Variants in ANKRD28 observed in about 807,000 individuals in gnomAD.
ANKRD28 encodes the protein serine/threonine-protein phosphatase 6 regulatory ankyrin repeat subunit A.
Under a neutral mutation model 126.5 loss-of-function variants are expected in ANKRD28, and 44 were observed. That is an observed-to-expected ratio of 0.35 (90% CI 0.27 to 0.45). The LOEUF (loss-of-function observed/expected upper bound fraction) is 0.45. Ranked by LOEUF, ANKRD28 falls within the 20% of genes least tolerant of loss-of-function variation. The pLI, the probability that ANKRD28 is intolerant of heterozygous loss-of-function variation, is 1.00. For missense variants in ANKRD28, 1,110 were observed against 1,316.6 expected, an observed-to-expected ratio of 0.84 and a Z score of 2.43; for synonymous variants, 442 against 468.5, an observed-to-expected ratio of 0.94 and a Z score of 0.73.
rs756243817 is a variant in ANKRD28 at position 15,677,070 on chromosome 3, A to G, written c.2791-14T>C. The G allele has an allele frequency of 6.2e-7, 1 of 1,607,790 alleles. No individual in the cohort carries two copies. Among genetic ancestry groups the G allele is most frequent in the East Asian group, 2.2e-5 (1 of 44,754 alleles). On this transcript the variant is annotated splice_polypyrimidine_tract_variant and intron_variant, in intron 25 of 27. Coordinates refer to ENST00000683139, the MANE Select transcript of ANKRD28 (RefSeq NM_001349278.2). ...AGTTTCATGACCCTATAATTGTGGC[A>G]GATAAGTTATAAAAACTTGAGCACC...
At chr3:15,757,109 G>C (rs2058203417) in intron 3 of ANKRD28, among the ~76,000 whole-genome samples, 1 of 151,856 alleles carries the variant, frequency 6.6e-6, no homozygotes, top group Non-Finnish European at 1.5e-5. Context: ...AATACACAGT[G>C]TTTTCTCTTT....
chr3:15,849,033 T>C (rs548797747), intron 1 of ANKRD28, among the ~76,000 whole-genome samples: 129 of 152,338 alleles, frequency 8.5e-4, no homozygotes, highest in African/African-American at 2.8e-3. Context: ...TGTATTTCTA[T>C]ATATTACCAA....
At chr3:15,858,783 C>T (rs2061829582) in intron 1 of ANKRD28, among the ~76,000 whole-genome samples, 1 of 152,172 alleles carries the variant, frequency 6.6e-6, no homozygotes, top group African/African-American at 2.4e-5. Context: ...AGTAGTTTTT[C>T]AGTTCCAGAG....
rs145338875 is a variant in ANKRD28 at position 15,856,689 on chromosome 3, G to T, written c.27+2688C>A. Among the ~76,000 whole-genome samples, 11 of 152,318 alleles carry T rather than the reference G, an allele frequency of 7.2e-5. No individual in the cohort carries two copies. In the East Asian group the frequency reaches 2.1e-3, roughly 29 times the overall value. ...CCATAATTAGGTGGTGGCACAAAAT[G>T]AGAGAAAATTATCTTATTCAAATTG... On this transcript the variant is annotated intron_variant, in intron 1 of 27. Transcript: ENST00000399451.
intron 9 of ANKRD28, among the ~76,000 whole-genome samples, chr3:15,714,211 T>C (rs1358093599): frequency 6.6e-6 from 1 of 152,132 alleles, no homozygotes; most frequent in Non-Finnish European, 1.5e-5. Context: ...CTGAAAATAG[T>C]TGCAGATACT....
Position 15,670,428 on chromosome 3 carries a change from G to A in ANKRD28, c.3094C>T (p.Arg1032Cys), listed in dbSNP as rs1031954748. Residue 1032 changes from arginine to cysteine, a missense_variant, in exon 28 of 28, where the codon CGT becomes TGT. Coordinates refer to ENST00000683139, the MANE Select transcript of ANKRD28 (RefSeq NM_001349278.2). ...LSSLTFNAIN[R>C]YTNTSKTVSF... is the part of the protein sequence containing the mutation. ...ACTGTTTTTGAGGTGTTGGTATAAC[G>A]GTTAATGGCATTGAATGTTAAGGAT... is the stretch of plus-strand genomic sequence containing the variant. 5.0e-6 allele frequency: 8 copies of A among 1,613,962 alleles called. No homozygotes were observed. Among genetic ancestry groups the A allele is most frequent in the Middle Eastern group, 1.7e-4 (1 of 6,060 alleles).
At chr3:15,722,919 T>C (rs2073872360) in intron 7 of ANKRD28, among the ~76,000 whole-genome samples, 3 of 151,452 alleles carry the variant, frequency 2.0e-5, no homozygotes, top group Admixed American at 1.3e-4. Context: ...GGTAATTCTC[T>C]ACGAAACTAA....
intron 1 of ANKRD28, among the ~76,000 whole-genome samples, chr3:15,803,892 C>T (rs1337350031): frequency 6.9e-6 from 1 of 144,728 alleles, no homozygotes; most frequent in African/African-American, 2.6e-5. Context: ...TTAGCATCTA[C>T]CCTCATGACT....
At chr3:15,851,493 G>A (rs933733772) in intron 1 of ANKRD28, among the ~76,000 whole-genome samples, 9 of 151,960 alleles carry the variant, frequency 5.9e-5, no homozygotes, top group East Asian at 1.9e-4. Context: ...GCAGTGAGCC[G>A]TGATCATGCC....
intron 4 of ANKRD28, among the ~76,000 whole-genome samples, chr3:15,741,174 G>GGGC (rs1310939757): frequency 2.6e-5 from 4 of 151,952 alleles, no homozygotes; most frequent in Non-Finnish European, 5.9e-5. Flanking sequence ...ACTCCAGCTT[G>GGGC]GGCGACAGAG....
intron 4 of ANKRD28, among the ~76,000 whole-genome samples, chr3:15,746,360 T>G (rs2057477685): frequency 6.6e-6 from 1 of 152,210 alleles, no homozygotes. Context: ...ATAGACAGCT[T>G]CTATTACCTT....
chr3:15,707,798 A>T, intron 14 of ANKRD28, 126 bp downstream of exon 14: 1 of 1,165,524 alleles, frequency 8.6e-7, no homozygotes, highest in Admixed American at 2.4e-5. Flanking sequence ...CCCAAAATAG[A>T]CTTAGGGCAA....
intron 11 of ANKRD28, among the ~76,000 whole-genome samples, chr3:15,711,720 T>C (rs2072309772): frequency 6.6e-6 from 1 of 151,890 alleles, no homozygotes; most frequent in Admixed American, 6.6e-5. Flanking sequence ...AGAGTCTCGC[T>C]CTGTCTCCTA....
Position 15,667,700 on chromosome 3 carries a change from G to A in ANKRD28, c.*2570C>T, listed in dbSNP as rs2066054147. 6.6e-6 allele frequency: 1 copy of A among 151,714 alleles called. No individual in the cohort carries two copies. Among genetic ancestry groups the A allele is most frequent in the South Asian group, 2.1e-4 (1 of 4,830 alleles). 9.4% of individuals were successfully genotyped at this position (151,714 alleles called of 1,614,324 possible). A position where few individuals can be genotyped will look rare whatever the true frequency, so the allele number is the denominator to read the frequency against. Reference sequence around the variant, plus strand: ...TCATTGGGTGCAGACCAAAGGAAGTGGTTAAGCTGGGGGGCAGACTCTCAC... The same window carrying A: ...TCATTGGGTGCAGACCAAAGGAAGTAGTTAAGCTGGGGGGCAGACTCTCAC... On this transcript the variant is annotated 3_prime_UTR_variant, in exon 28 of 28. Coordinates refer to ENST00000683139, the MANE Select transcript of ANKRD28 (RefSeq NM_001349278.2).
intron 1 of ANKRD28, among the ~76,000 whole-genome samples, chr3:15,795,610 T>A (rs956229709): frequency 6.6e-6 from 1 of 152,146 alleles, no homozygotes; most frequent in African/African-American, 2.4e-5. Context: ...AAAGAAAGAC[T>A]CTTCCAAATA....
intron 3 of ANKRD28, among the ~76,000 whole-genome samples, chr3:15,758,708 C>T (rs567831981): frequency 6.6e-6 from 1 of 152,288 alleles, no homozygotes; most frequent in East Asian, 1.9e-4. Flanking sequence ...CTCAGACTTA[C>T]AGCCTCCAGA....
At chr3:15,706,935 T>C (rs557054943) in intron 14 of ANKRD28, among the ~76,000 whole-genome samples, 95 of 152,274 alleles carry the variant, frequency 6.2e-4, no homozygotes, top group African/African-American at 1.4e-3. Context: ...TTTGATGGGG[T>C]TGTTTGAAAA....
chr3:15,689,281 C>A (rs564284045), intron 18 of ANKRD28, among the ~76,000 whole-genome samples: 1 of 152,146 alleles, frequency 6.6e-6, no homozygotes, highest in African/African-American at 2.4e-5. Flanking sequence ...ACAACACAGG[C>A]GCCTCTCTGA....
chr3:15,807,533 T>A (rs966961266), intron 1 of ANKRD28, among the ~76,000 whole-genome samples: 24 of 152,192 alleles, frequency 1.6e-4, no homozygotes, highest in African/African-American at 5.5e-4. Flanking sequence ...TTTGACCTGT[T>A]AAAATGAGAG....
Sources: allele counts gnomAD v4.1 joint callset (sites outside exome capture counted in the v4.1 genomes callset), GRCh38; gene constraint gnomAD v4.1.1; transcripts MANE v1.5; gene names NCBI Gene and HGNC (gene_info 2026-07-23, HGNC 2026-07-21).